RYK: variants seen among roughly 807,000 people sequenced by gnomAD.
The protein encoded by RYK is receptor like tyrosine kinase.
A neutral mutation model predicts 70.2 loss-of-function variants in RYK; 21 were observed. The observed-to-expected ratio is 0.30, with a 90% confidence interval of 0.21 to 0.43. The LOEUF is 0.43. Among genes scored for constraint, RYK ranks in the 20% least tolerant of loss-of-function variants. The probability of loss-of-function intolerance (pLI) is 1.00; values close to 1 mark genes in which losing one functional copy is unlikely to be tolerated. For synonymous variants in RYK, 267 were observed against 278.0 expected, an observed-to-expected ratio of 0.96 and a Z score of 0.39; for missense variants, 604 against 753.3, an observed-to-expected ratio of 0.80 and a Z score of 2.32.
At chr3:134,179,308 C>A (rs1183912591) in intron 10 of RYK, 1 of 151,970 alleles carries the variant, frequency 6.6e-6, no homozygotes, top group Non-Finnish European at 1.5e-5. Flanking sequence ...CTTTTTAAAC[C>A]CCAGTTATAA....
intron 4 of RYK, among the ~76,000 whole-genome samples, chr3:134,208,778 T>C (rs1258332377): frequency 6.6e-6 from 1 of 152,240 alleles, no homozygotes; most frequent in Non-Finnish European, 1.5e-5. Flanking sequence ...CTAGATTCTC[T>C]GAAGCTCAGC....
intron 13 of RYK, among the ~76,000 whole-genome samples, chr3:134,170,141 T>C (rs758554124): frequency 1.1e-4 from 16 of 152,222 alleles, no homozygotes; most frequent in African/African-American, 2.2e-4. Context: ...AGGCGATACA[T>C]ACATACATAT....
At chr3:134,224,180 A>G (rs1277473545) in intron 1 of RYK, among the ~76,000 whole-genome samples, 1 of 152,168 alleles carries the variant, frequency 6.6e-6, no homozygotes, top group Non-Finnish European at 1.5e-5. Context: ...GGAGACCGGT[A>G]GTGGCCCTGA....
At chr3:134,185,948 GT>G (rs2013445175) in intron 9 of RYK, among the ~76,000 whole-genome samples, 2 of 152,026 alleles carry the variant, frequency 1.3e-5, no homozygotes, top group South Asian at 4.1e-4. Flanking sequence ...AGAAAAACTC[GT>G]TTTCTTGGAT....
chr3:134,236,943 A>T (rs2015212405), intron 1 of RYK, among the ~76,000 whole-genome samples: 1 of 152,200 alleles, frequency 6.6e-6, no homozygotes, highest in African/African-American at 2.4e-5. Flanking sequence ...GTTCAGTTAC[A>T]TTAACCAGAC....
At position 134,188,904 on chromosome 3, in the gene RYK, G is replaced by A; in HGVS notation, c.1035C>T (p.Phe345=). 6.4e-7 allele frequency: 1 copy of A among 1,568,504 alleles called. No homozygotes were observed. Among genetic ancestry groups the A allele is most frequent in the South Asian group, 1.2e-5 (1 of 86,448 alleles). Residue 345 remains phenylalanine, a synonymous_variant, in exon 9 of 15, where the codon TTC becomes TTT. Transcript: ENST00000623711. Reference sequence around the variant, plus strand: ...CTTTTTCATCTATTAAAATCCCATGGAAAATACGCCCAAAAGTACCTAAAA... The same window carrying A: ...CTTTTTCATCTATTAAAATCCCATGAAAAATACGCCCAAAAGTACCTAAAA... ...VLQEGTFGRI[F]HGILIDEKDP...
chr3:134,187,014 C>T, intron 9 of RYK, among the ~76,000 whole-genome samples: 1 of 152,136 alleles, frequency 6.6e-6, no homozygotes, highest in East Asian at 1.9e-4. Context: ...ACCTAACTTA[C>T]ACTTGGTCTT....
intron 13 of RYK, among the ~76,000 whole-genome samples, chr3:134,163,264 A>G (rs1315790669): frequency 6.6e-6 from 1 of 152,242 alleles, no homozygotes; most frequent in Non-Finnish European, 1.5e-5. Context: ...AATAATCAAG[A>G]CAAAATGGCG....
chr3:134,215,256 C>G (rs1325762756), intron 2 of RYK, among the ~76,000 whole-genome samples: 1 of 152,122 alleles, frequency 6.6e-6, no homozygotes, highest in Non-Finnish European at 1.5e-5. Context: ...GGCGCCTGAG[C>G]ATCTCAGTGT....
intron 1 of RYK, among the ~76,000 whole-genome samples, chr3:134,240,545 T>C (rs191158195): frequency 6.6e-6 from 1 of 152,312 alleles, no homozygotes; most frequent in African/African-American, 2.4e-5. Flanking sequence ...ACACTATGCA[T>C]TTGTCGAAAC....
At chr3:134,161,043 G>C (rs974341610) in intron 13 of RYK, among the ~76,000 whole-genome samples, 4 of 152,154 alleles carry the variant, frequency 2.6e-5, no homozygotes, top group African/African-American at 9.7e-5. Flanking sequence ...ATGGAAATCT[G>C]AGTCAACACA....
At chr3:134,243,580 TA>T (rs2107697598) in intron 1 of RYK, among the ~76,000 whole-genome samples, 1 of 152,192 alleles carries the variant, frequency 6.6e-6, no homozygotes, top group East Asian at 1.9e-4. Context: ...ATGGCTTTGC[TA>T]ATTTTTCACC....
chr3:134,169,968 TA>T (rs1354702570), intron 13 of RYK, among the ~76,000 whole-genome samples: 3 of 152,138 alleles, frequency 2.0e-5, no homozygotes, highest in Non-Finnish European at 4.4e-5. Context: ...ACCCAAATGT[TA>T]AAAAGCAATC....
chr3:134,232,120 T>A (rs1302385843), intron 1 of RYK, among the ~76,000 whole-genome samples: 3 of 152,206 alleles, frequency 2.0e-5, no homozygotes, highest in African/African-American at 4.8e-5. Context: ...TCTTTACAAT[T>A]AACAACAGCT....
At chr3:134,191,828 C>A in intron 8 of RYK, 21 bp downstream of exon 8, 1 of 1,580,168 alleles carries the variant, frequency 6.3e-7, no homozygotes, top group Admixed American at 1.9e-5. Flanking sequence ...CTTAAAAAAC[C>A]GACTTTGAGA....
At chr3:134,242,023 C>T (rs1015084510) in intron 1 of RYK, among the ~76,000 whole-genome samples, 2 of 152,088 alleles carry the variant, frequency 1.3e-5, no homozygotes, top group Non-Finnish European at 2.9e-5. Flanking sequence ...AGAATGAGGC[C>T]GGGCAAGGTG....
At chr3:134,160,784 G>A (rs1225520270) in intron 13 of RYK, among the ~76,000 whole-genome samples, 1 of 152,200 alleles carries the variant, frequency 6.6e-6, no homozygotes, top group Non-Finnish European at 1.5e-5. Flanking sequence ...AAACCCGGGA[G>A]GCGGAGGTTG....
chr3:134,211,256 T>C lies in RYK; in HGVS notation c.454+252A>G, dbSNP rs558226250. On this transcript the variant is annotated intron_variant, in intron 3 of 14. Transcript: ENST00000623711. ...AAACAAGATCAGGCACAGGGACTCA[T>C]GTGGAGGTAAGTACCAGCAATGCAG... is the stretch of plus-strand genomic sequence containing the variant. Among the ~76,000 whole-genome samples the C allele has an allele frequency of 1.1e-4, 16 of 152,238 alleles. 1 individual carries two copies. The East Asian group carries it at 3.1e-3, about 29-fold the overall frequency.
intron 1 of RYK, among the ~76,000 whole-genome samples, chr3:134,241,705 T>C (rs2015330767): frequency 1.3e-5 from 2 of 152,216 alleles, no homozygotes; most frequent in Admixed American, 1.3e-4. Flanking sequence ...AAGTCAACTG[T>C]CAACCTTCAA....
Sources: gnomAD v4.1 joint callset for allele counts (sites outside exome capture counted in the v4.1 genomes callset) on GRCh38, gnomAD v4.1.1 for gene constraint, MANE v1.5 for transcripts, NCBI Gene and HGNC (gene_info 2026-07-23, HGNC 2026-07-21) for gene names.